ARHGAP23: variants seen among roughly 807,000 people sequenced by gnomAD.
ARHGAP23 encodes Rho GTPase activating protein 23, also known as rho GTPase-activating protein 23.
Under a neutral mutation model 136.3 loss-of-function variants are expected in ARHGAP23, and 34 were observed. The ratio of observed to expected loss-of-function variants is 0.25; its 90% CI spans 0.19 to 0.33. The LOEUF (loss-of-function observed/expected upper bound fraction) is 0.33. ARHGAP23 is among the 10% of genes least tolerant of loss of function. ARHGAP23 has a pLI of 1.00. For synonymous variants in ARHGAP23, 832 were observed against 920.5 expected, an observed-to-expected ratio of 0.90 and a Z score of 1.74; for missense variants, 1,808 against 2,139.0, an observed-to-expected ratio of 0.85 and a Z score of 3.05.
Position 38,510,788 on chromosome 17 carries a change from C to T in ARHGAP23, c.4292C>T (p.Pro1431Leu), listed in dbSNP as rs1443069204. 1.1e-5 allele frequency: 16 copies of T among 1,502,278 alleles called. No homozygotes were observed. The highest frequency in any genetic ancestry group is 1.4e-5 in the Non-Finnish European group (16 of 1,128,338). 93.1% of individuals were successfully genotyped at this position (1,502,278 alleles called of 1,614,324 possible). The change falls in exon 24 of 24, where the codon CCG (proline) becomes CTG (leucine). Residue 1431 changes from proline (P) to leucine (L), a missense_variant. Pro to Leu is a moderately conservative substitution (Grantham distance 98). This residue lies in a region of ARHGAP23 where 506 missense variants were observed against 455.8 expected (regional missense o/e 1.11). Transcript: ENST00000622683. The surrounding 1 kb of genome is among the most constrained non-coding windows in gnomAD (Gnocchi z 4.6). ...AAGGAGCTGGGCGGAGGGGGCCCCC[C>T]GGAGCCTGCGGGCGCGCGGGCGCAC... ...EWKELGGGGP[P>L]EPAGARAHSD... is the part of the protein sequence containing the mutation.
rs952983804 is a variant in ARHGAP23 at position 38,469,504 on chromosome 17, C to T, written c.1805-20C>T. ...CTGCTGCCCCGCTGACCCTGAGGCC[C>T]GATGTGGGCGGCTTTGCAGGCAGCA... On this transcript the variant is annotated intron_variant, in intron 8 of 23. Transcript: ENST00000622683. The T allele has an allele frequency of 3.1e-5, 48 of 1,545,004 alleles. No homozygotes were observed. The highest frequency in any genetic ancestry group is 1.5e-4 in the African/African-American group (11 of 72,942).
rs186291085 is a variant in ARHGAP23, at chr17:38,470,129, T to C, written c.1974+225T>C. On this transcript the variant is annotated intron_variant, in intron 10 of 23. Transcript: ENST00000622683. ...GCAGCCCCGCCCATGGGCCCTCGTC[T>C]GGACTGCCTCTTTCCAGACCCATCC... Among the ~76,000 whole-genome samples, 444 of 152,354 alleles carry C rather than the reference T, an allele frequency of 2.9e-3. 2 individuals carry two copies. Among genetic ancestry groups the C allele is most frequent in the African/African-American group, 0.01 (425 of 41,586 alleles).
intron 1 of ARHGAP23, among the ~76,000 whole-genome samples, chr17:38,448,055 T>C (rs1597761127): frequency 1.3e-5 from 2 of 152,158 alleles, no homozygotes; most frequent in Admixed American, 1.3e-4. Context: ...AGAGGCCCCA[T>C]CCTGGGGTCT....
rs1317955179 is a variant in ARHGAP23, at chr17:38,458,195, G to A, written c.157G>A (p.Gly53Ser). The A allele has an allele frequency of 1.7e-5, 26 of 1,536,062 alleles. No homozygotes were observed. The South Asian group carries it at 2.0e-4, about 12-fold the overall frequency. Residue 53 changes from glycine (G) to serine (S), a missense_variant, in exon 2 of 24, where the codon GGC (glycine) becomes AGC (serine). Transcript: ENST00000622683. ...GCTGCTGTACAAAAGTCCCCAGGAC[G>A]GCTTTGGCTTCACTCTGCGCCACTT... is the stretch of plus-strand genomic sequence containing the variant. ...TLLLYKSPQD[G>S]FGFTLRHFIV... is the part of the protein sequence containing the mutation.
At chr17:38,476,733 C>T (rs1567809307) in intron 11 of ARHGAP23, among the ~76,000 whole-genome samples, 2 of 152,216 alleles carry the variant, frequency 1.3e-5, no homozygotes, top group Non-Finnish European at 1.5e-5. Flanking sequence ...CTCTTACCCT[C>T]AGCTCTGCTG....
chr17:38,506,000 A>T (rs1049600153), intron 23 of ARHGAP23, among the ~76,000 whole-genome samples: 2 of 152,172 alleles, frequency 1.3e-5, no homozygotes, highest in African/African-American at 4.8e-5. Context: ...TCCTGTGGCA[A>T]GTTCAAGGAG....
Position 38,511,231 on chromosome 17 carries a change from C to A in ARHGAP23, c.*259C>A. 2 of 438,864 alleles carry A rather than the reference C, an allele frequency of 4.6e-6. No homozygotes were observed. The highest frequency in any genetic ancestry group is 7.9e-6 in the Non-Finnish European group (2 of 252,646). 27.2% of individuals were successfully genotyped at this position (438,864 alleles called of 1,614,324 possible). ...GGGCGTGGGCTGCTGGGGTCTGTGT[C>A]CCTGCACACATGCGCCCGATAGGTC... On this transcript the variant is annotated 3_prime_UTR_variant, in exon 24 of 24. Coordinates refer to ENST00000622683, the MANE Select transcript of ARHGAP23 (RefSeq NM_001199417.2).
chr17:38,476,108 T>C (rs1157544967), intron 11 of ARHGAP23, among the ~76,000 whole-genome samples: 1 of 152,150 alleles, frequency 6.6e-6, no homozygotes, highest in Non-Finnish European at 1.5e-5. Flanking sequence ...ACAGGAGACC[T>C]TAGATTTGAT....
Position 38,420,137 on chromosome 17 carries a change from C to T in ARHGAP23, n.120+738C>T, listed in dbSNP as rs564127111. On this transcript the variant is annotated intron_variant and non_coding_transcript_variant, in intron 1 of 4. Coordinates refer to the ARHGAP23 transcript ENST00000633445. ...GGCGGGGATGAAGACCCCCTCTGGT[C>T]AGAGTTCTCATTCCCTGCACGGAGC... is the stretch of plus-strand genomic sequence containing the variant. Among the ~76,000 whole-genome samples, 3 of 152,286 alleles carry T rather than the reference C, an allele frequency of 2.0e-5. No homozygotes were observed. The East Asian group carries it at 5.8e-4, about 29-fold the overall frequency.
At chr17:38,504,539 G>C (rs1193880466) in intron 23 of ARHGAP23, among the ~76,000 whole-genome samples, 3 of 152,186 alleles carry the variant, frequency 2.0e-5, no homozygotes, top group Non-Finnish European at 4.4e-5. Flanking sequence ...TGTCTCTCTT[G>C]CCTGACTCTA....
rs1410098330 is a variant in ARHGAP23 at position 38,466,897 on chromosome 17, C to T, written c.1214C>T (p.Pro405Leu). The part of the protein sequence containing the change: ...RDLPGPQAPP[P>L]SGLQGLDDLG... ...CTGCCAGGGCCCCAGGCCCCACCCCCGTCTGGCCTGCAGGGCCTGGATGAC... is the reference window on the plus strand; with the variant it reads ...CTGCCAGGGCCCCAGGCCCCACCCCTGTCTGGCCTGCAGGGCCTGGATGAC... Residue 405 changes from proline to leucine, a missense_variant, in exon 7 of 24, where the codon CCG becomes CTG. By Grantham distance (98) the Pro-to-Leu change is moderately conservative. Around this residue, in one of 7 missense-constraint regions of ARHGAP23, gnomAD observed 859 missense variants for 936.4 expected, o/e 0.92. Coordinates refer to ENST00000622683, the MANE Select transcript of ARHGAP23 (RefSeq NM_001199417.2). 69 of 1,550,200 alleles carry T rather than the reference C, an allele frequency of 4.5e-5. No homozygotes were observed. Among genetic ancestry groups the T allele is most frequent in the Admixed American group, 1.4e-4 (7 of 50,994 alleles).
Position 38,458,136 on chromosome 17 carries a change from G to A in ARHGAP23, c.98G>A (p.Arg33Lys). 2 of 1,536,118 alleles carry A rather than the reference G, an allele frequency of 1.3e-6. No individual in the cohort carries two copies. Among genetic ancestry groups the A allele is most frequent in the Non-Finnish European group, 1.7e-6 (2 of 1,146,902 alleles). Residue 33 changes from arginine to lysine, a missense_variant, in exon 2 of 24, where the codon AGG becomes AAG. Coordinates refer to ENST00000622683, the MANE Select transcript of ARHGAP23 (RefSeq NM_001199417.2). ...PLGPRDGCSP[R>K]RPFPWQGPRT... The stretch of plus-strand genomic sequence containing the variant: ...GGCCCAAGAGATGGGTGCTCTCCTA[G>A]GCGCCCCTTCCCCTGGCAGGGGCCG...
At chr17:38,457,758 G>A (rs1342947081) in intron 1 of ARHGAP23, 1 of 379,100 alleles carries the variant, frequency 2.6e-6, no homozygotes, top group Non-Finnish European at 4.8e-6. Context: ...TGGGCAGGAA[G>A]GCTGTATCCA....
intron 23 of ARHGAP23, among the ~76,000 whole-genome samples, chr17:38,506,522 CA>C (rs1191909310): frequency 2.0e-5 from 3 of 152,218 alleles, no homozygotes; most frequent in African/African-American, 2.4e-5. Flanking sequence ...CACAGTTCTA[CA>C]GGTTAGAAGT....
chr17:38,510,161 C>A lies in ARHGAP23; in HGVS notation c.3665C>A (p.Ala1222Asp). The A allele has an allele frequency of 1.6e-6, 2 of 1,288,730 alleles. No individual in the cohort carries two copies. The highest frequency in any genetic ancestry group is 1.9e-6 in the Non-Finnish European group (2 of 1,026,660). 79.8% of individuals were successfully genotyped at this position (1,288,730 alleles called of 1,614,324 possible). Residue 1222 changes from alanine to aspartate, a missense_variant, in exon 24 of 24, where the codon GCC becomes GAC. Transcript: ENST00000622683. The surrounding 1 kb of genome is among the most constrained non-coding windows in gnomAD (Gnocchi z 4.6). ...RPQGPLPGAVAPEAPGRLSPP... is the reference protein window; with the variant it reads ...RPQGPLPGAVDPEAPGRLSPP... ...CAGGGGCCGCTGCCTGGCGCCGTCGCCCCCGAGGCCCCCGGACGCCTCAGT... is the reference window on the plus strand; with the variant it reads ...CAGGGGCCGCTGCCTGGCGCCGTCGACCCCGAGGCCCCCGGACGCCTCAGT...
intron 1 of ARHGAP23, among the ~76,000 whole-genome samples, chr17:38,444,214 G>A (rs745637067): frequency 3.9e-5 from 6 of 152,068 alleles, no homozygotes; most frequent in Non-Finnish European, 8.8e-5. Flanking sequence ...GCGAGGTTGA[G>A]GGAATGAGGA....
At position 38,498,468 on chromosome 17, in the gene ARHGAP23, C is replaced by T. The variant is rs543746847; in HGVS notation, c.3373C>T (p.Pro1125Ser). 6.5e-7 allele frequency: 1 copy of T among 1,548,728 alleles called. No homozygotes were observed. Among genetic ancestry groups the T allele is most frequent in the South Asian group, 1.2e-5 (1 of 83,918 alleles). ...QAVPNIEYLL[P>S]NIGRTVPPGD... is the part of the protein sequence containing the mutation. ...AGTGCCCAACATTGAGTACCTCCTG[C>T]CCAACATTGGCAGGACAGTGCCCCC... The change falls in exon 22 of 24, where the codon CCC becomes TCC. Residue 1125 changes from proline (P) to serine (S), a missense_variant. By Grantham distance (74) the Pro-to-Ser change is moderately conservative. Around this residue, in one of 7 missense-constraint regions of ARHGAP23, gnomAD observed 104 missense variants for 131.8 expected, o/e 0.79. Transcript: ENST00000622683.
At position 38,485,965 on chromosome 17, in the gene ARHGAP23, G is replaced by GGCC. The variant is rs1261305341; in HGVS notation, c.2908-96_2908-94dup. 2.6e-6 allele frequency: 3 copies of GGCC among 1,150,102 alleles called. No individual in the cohort carries two copies. In the African/African-American group the frequency reaches 4.6e-5, roughly 18 times the overall value. 71.2% of individuals were successfully genotyped at this position (1,150,102 alleles called of 1,614,324 possible). On this transcript the variant is annotated intron_variant, in intron 16 of 23. Transcript: ENST00000622683. ...CTTGGTCTAAGTAGGTCCCAGGGAG[G>GGCC]GCCTGGTGGGCTTGATTGGGCTCTG...
At chr17:38,429,716 G>C (rs2038645010) in intron 1 of ARHGAP23, among the ~76,000 whole-genome samples, 1 of 152,102 alleles carries the variant, frequency 6.6e-6, no homozygotes, top group Non-Finnish European at 1.5e-5. Flanking sequence ...GACGGGGGGT[G>C]GGGGTGGAGG....
Sources: allele counts gnomAD v4.1 joint callset (sites outside exome capture counted in the v4.1 genomes callset), GRCh38; gene constraint gnomAD v4.1.1; regional missense constraint gnomAD v4.1.1; non-coding constraint Gnocchi (gnomAD v3.1); transcripts MANE v1.5; gene names NCBI Gene and HGNC (gene_info 2026-07-23, HGNC 2026-07-21).